VWC2: variants seen among roughly 807,000 people sequenced by gnomAD.
VWC2 encodes the protein brorin.
VWC2 carries 14 observed loss-of-function variants against 29.8 expected under a neutral mutation model. The ratio of observed to expected loss-of-function variants is 0.47; its 90% CI spans 0.31 to 0.74. VWC2 has a LOEUF of 0.74. VWC2 is among the 30% of genes least tolerant of loss of function. The probability of loss-of-function intolerance (pLI) is 0.05; values close to 1 mark genes in which losing one functional copy is unlikely to be tolerated. For missense variants in VWC2, 457 were observed against 459.8 expected, an observed-to-expected ratio of 0.99 and a Z score of 0.05; for synonymous variants, 213 against 199.0, an observed-to-expected ratio of 1.07 and a Z score of -0.59.
rs1351589244 is a variant in VWC2 at position 49,912,398 on chromosome 7, T to A, written c.*213T>A. On this transcript the variant is annotated 3_prime_UTR_variant, in exon 4 of 4. Transcript: ENST00000340652. The stretch of plus-strand genomic sequence containing the variant: ...ACAAGAACTTTGGGCATAAAATCCT[T>A]CTCTAAATAAATGTGCTATTTTCAC... 1 of 481,636 alleles carries A rather than the reference T, an allele frequency of 2.1e-6. No homozygotes were observed. Among genetic ancestry groups the A allele is most frequent in the Non-Finnish European group, 3.6e-6 (1 of 274,342 alleles). 29.8% of individuals were successfully genotyped at this position (481,636 alleles called of 1,614,324 possible).
intron 2 of VWC2, among the ~76,000 whole-genome samples, chr7:49,796,596 G>C (rs1788595227): frequency 6.6e-6 from 1 of 152,194 alleles, no homozygotes; most frequent in Admixed American, 6.5e-5. Flanking sequence ...GAGGGTTGCT[G>C]CTGTTGCAGA....
chr7:49,836,519 A>T (rs1280229047), intron 3 of VWC2, among the ~76,000 whole-genome samples: 1 of 151,468 alleles, frequency 6.6e-6, no homozygotes, highest in Non-Finnish European at 1.5e-5. Context: ...GTTGCCTGTA[A>T]TCCCAGCTAC....
At chr7:49,856,337 C>G (rs1324588750) in intron 3 of VWC2, among the ~76,000 whole-genome samples, 1 of 152,104 alleles carries the variant, frequency 6.6e-6, no homozygotes, top group Non-Finnish European at 1.5e-5. Context: ...CTGGCACCTC[C>G]CTTTTCTCTC....
At chr7:49,864,340 C>T (rs1790792715) in intron 3 of VWC2, among the ~76,000 whole-genome samples, 1 of 152,168 alleles carries the variant, frequency 6.6e-6, no homozygotes, top group African/African-American at 2.4e-5. Context: ...TTCCTTCACC[C>T]CTTAACTGGA....
At chr7:49,793,551 C>A (rs1166511518) in intron 2 of VWC2, among the ~76,000 whole-genome samples, 1 of 151,946 alleles carries the variant, frequency 6.6e-6, no homozygotes, top group Non-Finnish European at 1.5e-5. Flanking sequence ...TTGATAGAAG[C>A]AACATAATAC....
chr7:49,842,636 T>C (rs1055218443), intron 3 of VWC2, among the ~76,000 whole-genome samples: 1 of 152,224 alleles, frequency 6.6e-6, no homozygotes, highest in Non-Finnish European at 1.5e-5. Context: ...ATTGTCTGTA[T>C]ACTTGCAGAA....
intron 3 of VWC2, among the ~76,000 whole-genome samples, chr7:49,846,888 T>C (rs1583669164): frequency 6.6e-6 from 1 of 152,194 alleles, no homozygotes; most frequent in South Asian, 2.1e-4. Context: ...CTAAATGAGG[T>C]AAAATATTAT....
intron 3 of VWC2, among the ~76,000 whole-genome samples, chr7:49,820,207 C>T (rs1051848640): frequency 6.6e-6 from 1 of 152,066 alleles, no homozygotes; most frequent in Non-Finnish European, 1.5e-5. Context: ...CGCCCTACCC[C>T]ACAGCCGCTC....
rs867195569 is a variant in VWC2, at chr7:49,878,565, G to T, written c.827-33469G>T. ...CCTGACTCCCAGCTCTCAACGCTCG[G>T]TCTACTTTTTGCTCCTTTGTTTTTG... is the stretch of plus-strand genomic sequence containing the variant. On this transcript the variant is annotated intron_variant, in intron 3 of 3. Transcript: ENST00000340652. 3.9e-5 allele frequency among the ~76,000 whole-genome samples: 6 copies of T among 152,174 alleles called. 1 individual carries two copies. Among genetic ancestry groups the T allele is most frequent in the Middle Eastern group, 6.8e-3 (2 of 294 alleles).
intron 3 of VWC2, among the ~76,000 whole-genome samples, chr7:49,875,970 T>C (rs1181670408): frequency 6.6e-6 from 1 of 152,170 alleles, no homozygotes; most frequent in Non-Finnish European, 1.5e-5. Context: ...AAATTGGTGT[T>C]GCATTGTGCT....
intron 3 of VWC2, among the ~76,000 whole-genome samples, chr7:49,840,758 C>G (rs955678910): frequency 6.6e-6 from 1 of 152,122 alleles, no homozygotes; most frequent in African/African-American, 2.4e-5. Flanking sequence ...ATCCGGCATT[C>G]AAGAAAACTC....
chr7:49,807,255 C>T (rs1205010997), intron 3 of VWC2, among the ~76,000 whole-genome samples: 1 of 152,088 alleles, frequency 6.6e-6, no homozygotes, highest in Admixed American at 6.5e-5. Flanking sequence ...AAATTCTAGC[C>T]AAAAATCCAA....
At chr7:49,823,930 CTTTA>C (rs1420377227) in intron 3 of VWC2, among the ~76,000 whole-genome samples, 2 of 151,226 alleles carry the variant, frequency 1.3e-5, no homozygotes, top group African/African-American at 2.4e-5. Flanking sequence ...TTGGCTCATT[CTTTA>C]TTGTTATTCT....
chr7:49,846,783 A>AT (rs1225873866), intron 3 of VWC2, among the ~76,000 whole-genome samples: 1 of 152,072 alleles, frequency 6.6e-6, no homozygotes, highest in Admixed American at 6.6e-5. Flanking sequence ...GAATGCATAC[A>AT]TTTTCCCTCC....
intron 3 of VWC2, among the ~76,000 whole-genome samples, chr7:49,841,928 G>A (rs1047951945): frequency 1.3e-5 from 2 of 151,798 alleles, no homozygotes; most frequent in African/African-American, 4.8e-5. Context: ...GTGCAATGGC[G>A]TGATCTCAGC....
In VWC2 at chr7:49,775,944, C is replaced by T; in HGVS notation, c.509C>T (p.Ala170Val). ...GTGTACGCGATCGGGGAGAAGTTCG[C>T]GCCGGGCCCCTCGGCCTGCCCGTGC... is the stretch of plus-strand genomic sequence containing the variant. ...GFVYAIGEKF[A>V]PGPSACPCLC... Residue 170 changes from alanine (A) to valine (V), a missense_variant, in exon 2 of 4, where the codon GCG (alanine) becomes GTG (valine). Transcript: ENST00000340652. The T allele has an allele frequency of 6.4e-7, 1 of 1,553,872 alleles. No homozygotes were observed.
intron 3 of VWC2, among the ~76,000 whole-genome samples, chr7:49,911,359 A>ATAG (rs966717268): frequency 5.3e-5 from 8 of 151,250 alleles, no homozygotes; most frequent in African/African-American, 1.9e-4. Flanking sequence ...GCACGCCCCT[A>ATAG]TAGTCCCAGC....
chr7:49,882,282 C>T (rs1583747241), intron 3 of VWC2, among the ~76,000 whole-genome samples: 1 of 152,242 alleles, frequency 6.6e-6, no homozygotes, highest in East Asian at 1.9e-4. Context: ...TTGGCTATTT[C>T]TCTTTGTTCT....
chr7:49,824,053 C>G (rs1461691413), intron 3 of VWC2, among the ~76,000 whole-genome samples: 1 of 151,894 alleles, frequency 6.6e-6, no homozygotes, highest in African/African-American at 2.4e-5. Context: ...CAGTCTGTGG[C>G]TTGCCTTTTC....
Sources: gnomAD v4.1 joint callset for allele counts (sites outside exome capture counted in the v4.1 genomes callset) on GRCh38, gnomAD v4.1.1 for gene constraint, MANE v1.5 for transcripts, NCBI Gene and HGNC (gene_info 2026-07-23, HGNC 2026-07-21) for gene names.